The following SF3B3 variants were observed in gnomAD, a reference collection of about 807,000 sequenced individuals.
SF3B3 encodes the protein splicing factor 3b subunit 3.
In SF3B3, 33 loss-of-function variants were observed where a neutral mutation model predicts 139.2. That is an observed-to-expected ratio of 0.24 (90% confidence interval 0.18 to 0.32). SF3B3 has a LOEUF of 0.32. Among genes scored for constraint, SF3B3 ranks in the 10% least tolerant of loss-of-function variants. SF3B3 has a pLI of 1.00. For missense variants in SF3B3, 818 were observed against 1,509.4 expected (o/e 0.54, Z 7.59); for synonymous variants, 596 against 563.6 (o/e 1.06, Z -0.81).
intron 8 of SF3B3, among the ~76,000 whole-genome samples, 199 bp downstream of exon 8, chr16:70,539,406 G>T (rs888475403): frequency 1.3e-5 from 2 of 152,138 alleles, no homozygotes; most frequent in African/African-American, 2.4e-5. Context: ...AAATTAGCTG[G>T]ACATGGTGGC....
chr16:70,558,994 G>A (rs1008593699), intron 15 of SF3B3, among the ~76,000 whole-genome samples: 6 of 152,152 alleles, frequency 3.9e-5, no homozygotes, highest in African/African-American at 1.2e-4. Context: ...AATTATTGGG[G>A]GAGGGGGACA....
intron 15 of SF3B3, among the ~76,000 whole-genome samples, chr16:70,557,361 A>G (rs942547517): frequency 6.6e-6 from 1 of 152,208 alleles, no homozygotes; most frequent in Non-Finnish European, 1.5e-5. Flanking sequence ...TCAGTTCATA[A>G]TTGGCTTCAT....
At chr16:70,532,725 G>A (rs2050133210) in intron 5 of SF3B3, 105 bp downstream of exon 5, 2 of 1,105,164 alleles carry the variant, frequency 1.8e-6, no homozygotes, top group African/African-American at 1.9e-5. Flanking sequence ...CATTTGTTGT[G>A]AACCTGAATA....
In SF3B3 at chr16:70,556,344, A is replaced by C; in HGVS notation, c.1866+10A>C. ...CTCCCTGGATCCCTCAGTGAGTGAC[A>C]CTCTGAGCTTCAAGGATCATCTGGT... On this transcript the variant is annotated intron_variant, in intron 14 of 25. Transcript: ENST00000302516. The C allele has an allele frequency of 6.2e-7, 1 of 1,613,936 alleles. No homozygotes were observed. Among genetic ancestry groups the C allele is most frequent in the African/African-American group, 1.3e-5 (1 of 74,980 alleles).
At chr16:70,558,124 G>A (rs2050395058) in intron 15 of SF3B3, among the ~76,000 whole-genome samples, 1 of 152,120 alleles carries the variant, frequency 6.6e-6, no homozygotes, top group African/African-American at 2.4e-5. Context: ...ACTTAATAAA[G>A]TCATTCCTTA....
At chr16:70,526,405 A>G (rs146829745) in intron 1 of SF3B3, among the ~76,000 whole-genome samples, 182 bp from the exon 2 acceptor site, 7,535 of 152,118 alleles carry the variant, frequency 0.05, 235 homozygotes, top group Non-Finnish European at 0.065. Context: ...ACGGGGTTTC[A>G]CTGTGTTGCC....
chr16:70,558,226 A>G (rs1021406379), intron 15 of SF3B3, among the ~76,000 whole-genome samples: 1 of 152,054 alleles, frequency 6.6e-6, no homozygotes, highest in Non-Finnish European at 1.5e-5. Context: ...TACAGGTGTA[A>G]TTTAAATTTT....
At chr16:70,556,646 C>T in intron 14 of SF3B3, 1 of 601,972 alleles carries the variant, frequency 1.7e-6, no homozygotes, top group Non-Finnish European at 2.9e-6. Context: ...AGGAGGTGTG[C>T]TTTGCTTAAT....
At chr16:70,552,473 A>G (rs1172937365) in intron 11 of SF3B3, among the ~76,000 whole-genome samples, 2 of 152,210 alleles carry the variant, frequency 1.3e-5, no homozygotes, top group Non-Finnish European at 2.9e-5. Flanking sequence ...TTCAGAGATA[A>G]CCATGTCCTT....
intron 21 of SF3B3, 88 bp downstream of exon 21, chr16:70,567,624 C>A: frequency 6.9e-7 from 1 of 1,443,982 alleles, no homozygotes; most frequent in Non-Finnish European, 9.3e-7. Flanking sequence ...GTTTTAAAAT[C>A]TTATCTTTAT....
intron 11 of SF3B3, chr16:70,550,716 T>C (rs942379205): frequency 9.2e-6 from 9 of 973,456 alleles, no homozygotes; most frequent in Non-Finnish European, 1.1e-5. Context: ...TGGGGTCTTA[T>C]AGTTTATCCA....
At chr16:70,560,234 T>C in intron 15 of SF3B3, 3 of 284,996 alleles carry the variant, frequency 1.1e-5, no homozygotes, top group Non-Finnish European at 2.0e-5. Flanking sequence ...TAAGAAGATA[T>C]AGTGAAAAAT....
chr16:70,531,443 AT>A (rs1399310654), intron 4 of SF3B3, among the ~76,000 whole-genome samples: 1 of 151,944 alleles, frequency 6.6e-6, no homozygotes, highest in African/African-American at 2.4e-5. Flanking sequence ...CGCCCAGCTA[AT>A]TTTTGTATTT....
rs762993671 is a variant in SF3B3 at position 70,560,477 on chromosome 16, G to A, written c.2019G>A (p.Val673=). Residue 673 remains valine, a synonymous_variant, in exon 16 of 26, where the codon GTG becomes GTA. Transcript: ENST00000302516. The part of the protein sequence containing the change: ...LYLNIGLQNG[V]LLRTVLDPVT... ...CCTCTCCTTTTGATTAGAACGGTGT[G>A]CTGCTGAGGACTGTCTTGGACCCTG... 2 of 1,613,572 alleles carry A rather than the reference G, an allele frequency of 1.2e-6. No homozygotes were observed. Among genetic ancestry groups the A allele is most frequent in the Non-Finnish European group, 1.7e-6 (2 of 1,179,594 alleles).
At chr16:70,567,168 A>G (rs1041133504) in intron 20 of SF3B3, among the ~76,000 whole-genome samples, 8 of 152,232 alleles carry the variant, frequency 5.3e-5, no homozygotes, top group African/African-American at 1.4e-4. Flanking sequence ...ACAGAGCACA[A>G]GCTCTGGACA....
chr16:70,564,980 T>C, intron 18 of SF3B3, 85 bp from the exon 19 acceptor site: 1 of 1,250,074 alleles, frequency 8.0e-7, no homozygotes, highest in East Asian at 2.3e-5. Flanking sequence ...GAGAACCCCC[T>C]GGAGTGTTCT....
At chr16:70,569,188 T>G (rs755487082) in intron 23 of SF3B3, 47 bp downstream of exon 23, 2 of 1,348,550 alleles carry the variant, frequency 1.5e-6, no homozygotes, top group Admixed American at 3.9e-5. Context: ...TTAGCACTTT[T>G]CCTGTTGCCC....
At position 70,574,037 on chromosome 16, in the gene SF3B3, C is replaced by G. The variant is rs887715452; in HGVS notation, c.*2224C>G. 2.6e-5 allele frequency: 4 copies of G among 152,212 alleles called. No homozygotes were observed. The highest frequency in any genetic ancestry group is 6.5e-5 in the Admixed American group (1 of 15,280). The allele number at this position is 152,212 out of a possible 1,614,324, so 9.4% of individuals were successfully genotyped here. A position where few individuals can be genotyped will look rare whatever the true frequency, so the allele number is the denominator to read the frequency against. On this transcript the variant is annotated 3_prime_UTR_variant, in exon 26 of 26. Transcript: ENST00000302516. ...TGCCGGCGCTGGAAAAGGCTCGTCT[C>G]ACAGGGAGAGTGCTGGTCCCCAGAA... is the stretch of plus-strand genomic sequence containing the variant.
intron 7 of SF3B3, 133 bp downstream of exon 7, chr16:70,538,593 T>C: frequency 1.4e-6 from 1 of 698,990 alleles, no homozygotes; most frequent in African/African-American, 1.8e-5. Flanking sequence ...GAGTATAGAT[T>C]TTCTCTCTGG....
Sources: allele counts gnomAD v4.1 joint callset (sites outside exome capture counted in the v4.1 genomes callset), GRCh38; gene constraint gnomAD v4.1.1; transcripts MANE v1.5; gene names NCBI Gene and HGNC (gene_info 2026-07-23, HGNC 2026-07-21).